Variants in GRIN2A observed in about 807,000 individuals in gnomAD.
GRIN2A encodes glutamate receptor ionotropic, NMDA 2A.
GRIN2A carries 22 observed loss-of-function variants against 113.4 expected under a neutral mutation model. The observed-to-expected ratio is 0.19, with a 90% CI of 0.14 to 0.28. GRIN2A has a LOEUF of 0.28. Among genes scored for constraint, GRIN2A ranks in the 10% least tolerant of loss-of-function variants. GRIN2A has a pLI of 1.00. For synonymous variants in GRIN2A, 827 were observed against 738.4 expected, an observed-to-expected ratio of 1.12 and a Z score of -1.94; for missense variants, 1,502 against 1,887.0, an observed-to-expected ratio of 0.80 and a Z score of 3.78.
intron 2 of GRIN2A, among the ~76,000 whole-genome samples, chr16:9,972,399 C>A (rs1006057266): frequency 6.6e-6 from 1 of 151,970 alleles, no homozygotes; most frequent in Admixed American, 6.6e-5. Flanking sequence ...ACTTACTTTA[C>A]ATATAAGAAA....
At chr16:9,875,103 A>G (rs1217528541) in intron 4 of GRIN2A, among the ~76,000 whole-genome samples, 2 of 149,694 alleles carry the variant, frequency 1.3e-5, no homozygotes, top group Admixed American at 6.6e-5. Flanking sequence ...TCAAGCAATT[A>G]TCTTGCCTCA....
Position 9,755,048 on chromosome 16 carries a change from AT to A in GRIN2A, c.*8100del. 1 of 199,020 alleles carries A rather than the reference AT, an allele frequency of 5.0e-6. No homozygotes were observed. The highest frequency in any genetic ancestry group is 1.9e-4 in the South Asian group (1 of 5,230). The allele number at this position is 199,020 out of a possible 1,614,324, so 12.3% of individuals were successfully genotyped here. A position where few individuals can be genotyped will look rare whatever the true frequency, so the allele number is the denominator to read the frequency against. ...ATCTTTCCTAAAGGTGTGAAAGAGA[AT>A]TAACTGGAAGAGGTCATGACCCAGG... On this transcript the variant is annotated 3_prime_UTR_variant, in exon 13 of 13. Coordinates refer to ENST00000330684, the MANE Select transcript of GRIN2A (RefSeq NM_001134407.3).
chr16:10,129,138 C>T (rs763609628), intron 2 of GRIN2A, among the ~76,000 whole-genome samples: 39 of 151,858 alleles, frequency 2.6e-4, no homozygotes, highest in African/African-American at 4.1e-4. Context: ...TGCAGTGGCA[C>T]GATCAGAGCT....
chr16:10,047,653 A>G (rs142265003), intron 2 of GRIN2A, among the ~76,000 whole-genome samples: 51 of 152,308 alleles, frequency 3.3e-4, no homozygotes, highest in African/African-American at 1.0e-3. Context: ...CAGCACCTTC[A>G]TCTTTGTAGG....
At chr16:10,083,693 G>A (rs1334622990) in intron 2 of GRIN2A, among the ~76,000 whole-genome samples, 2 of 152,072 alleles carry the variant, frequency 1.3e-5, no homozygotes, top group African/African-American at 4.8e-5. Context: ...TTCAAGACAT[G>A]CTTTATAAAG....
At chr16:10,158,975 G>T (rs545600460) in intron 2 of GRIN2A, among the ~76,000 whole-genome samples, 1 of 152,196 alleles carries the variant, frequency 6.6e-6, no homozygotes, top group Non-Finnish European at 1.5e-5. Flanking sequence ...TGTTGTGAAG[G>T]TGCCATGGAA....
chr16:9,856,850 G>C lies in GRIN2A; in HGVS notation c.1123-6889C>G, dbSNP rs553210808. 4.6e-5 allele frequency among the ~76,000 whole-genome samples: 7 copies of C among 151,838 alleles called. 1 individual carries two copies. The South Asian group carries it at 1.5e-3, about 32-fold the overall frequency. On this transcript the variant is annotated intron_variant, in intron 4 of 12. Coordinates refer to ENST00000330684, the MANE Select transcript of GRIN2A (RefSeq NM_001134407.3). Reference sequence around the variant, plus strand: ...ATGTGAACCCAGGACTCATTTTTAAGTCTGTGAAAAAATGCAACTAGAATT... The same window carrying C: ...ATGTGAACCCAGGACTCATTTTTAACTCTGTGAAAAAATGCAACTAGAATT...
At chr16:9,778,078 C>A (rs376972133) in intron 11 of GRIN2A, among the ~76,000 whole-genome samples, 6 of 152,210 alleles carry the variant, frequency 3.9e-5, no homozygotes, top group African/African-American at 9.6e-5. Context: ...ACAACAACAA[C>A]AAAAAACCCA....
intron 11 of GRIN2A, among the ~76,000 whole-genome samples, chr16:9,779,136 T>A (rs922603484): frequency 1.3e-4 from 20 of 152,218 alleles, no homozygotes; most frequent in African/African-American, 2.4e-5. Flanking sequence ...AATGCCTGAA[T>A]GATCCATTTA....
At chr16:10,101,191 G>A (rs2048387577) in intron 2 of GRIN2A, among the ~76,000 whole-genome samples, 1 of 152,222 alleles carries the variant, frequency 6.6e-6, no homozygotes, top group Admixed American at 6.5e-5. Flanking sequence ...TGTCTGGTCT[G>A]CATGGTGGTC....
chr16:9,832,221 C>T (rs1596474646), intron 8 of GRIN2A, among the ~76,000 whole-genome samples: 1 of 152,034 alleles, frequency 6.6e-6, no homozygotes, highest in Non-Finnish European at 1.5e-5. Flanking sequence ...CTCAAAAAGC[C>T]TTGACATCAC....
chr16:9,949,505 T>G (rs2045117237), intron 2 of GRIN2A, among the ~76,000 whole-genome samples: 1 of 148,452 alleles, frequency 6.7e-6, no homozygotes, highest in Non-Finnish European at 1.5e-5. Flanking sequence ...GGTAGATGGA[T>G]GGATGACGGA....
At chr16:10,152,958 A>C (rs2049614523) in intron 2 of GRIN2A, among the ~76,000 whole-genome samples, 1 of 152,132 alleles carries the variant, frequency 6.6e-6, no homozygotes, top group Non-Finnish European at 1.5e-5. Context: ...AAATAGGTAG[A>C]ACATAGATGA....
chr16:10,129,685 G>A (rs1596536381), intron 2 of GRIN2A, among the ~76,000 whole-genome samples: 1 of 152,218 alleles, frequency 6.6e-6, no homozygotes, highest in East Asian at 1.9e-4. Context: ...ATAAGCAGGA[G>A]ATTATGGTGC....
chr16:10,039,804 G>GGGA (rs1567253902), intron 2 of GRIN2A, among the ~76,000 whole-genome samples: 11 of 56,126 alleles, frequency 2.0e-4, no homozygotes, highest in Non-Finnish European at 2.9e-4. Context: ...GAGGGGGAGG[G>GGGA]GGGGGAGAAA....
At chr16:9,988,968 C>T (rs950091472) in intron 2 of GRIN2A, among the ~76,000 whole-genome samples, 6 of 152,088 alleles carry the variant, frequency 3.9e-5, no homozygotes, top group African/African-American at 1.4e-4. Flanking sequence ...TTATTCTGTC[C>T]AAATAAGGAA....
At chr16:10,026,707 A>C (rs553179258) in intron 2 of GRIN2A, among the ~76,000 whole-genome samples, 234 of 152,230 alleles carry the variant, frequency 1.5e-3, no homozygotes, top group Non-Finnish European at 3.0e-3. Flanking sequence ...AGCTCTTAAC[A>C]ATGGCCCCAG....
At chr16:9,949,968 T>C (rs1335747135) in intron 2 of GRIN2A, among the ~76,000 whole-genome samples, 1 of 152,072 alleles carries the variant, frequency 6.6e-6, no homozygotes, top group Non-Finnish European at 1.5e-5. Flanking sequence ...ACTGAGTGTC[T>C]GCAGTGTGAG....
intron 4 of GRIN2A, among the ~76,000 whole-genome samples, chr16:9,869,508 A>T (rs1341018880): frequency 6.6e-6 from 1 of 152,154 alleles, no homozygotes; most frequent in East Asian, 1.9e-4. Context: ...CCTGCAGTCA[A>T]TTATCAACTA....
Sources: gnomAD v4.1 joint callset for allele counts (sites outside exome capture counted in the v4.1 genomes callset) on GRCh38, gnomAD v4.1.1 for gene constraint, MANE v1.5 for transcripts, NCBI Gene and HGNC (gene_info 2026-07-23, HGNC 2026-07-21) for gene names.